OR2AJ1: variants seen among roughly 807,000 people sequenced by gnomAD.
The protein encoded by OR2AJ1 is olfactory receptor 2AJ1.
For synonymous variants in OR2AJ1, 105 were observed against 60.3 expected (o/e 1.74, Z -3.44); for missense variants, 280 against 163.2 (o/e 1.72, Z -3.90).
Position 247,934,316 on chromosome 1 carries a change from C to T in OR2AJ1, c.548C>T (p.Ala183Val), listed in dbSNP as rs750478552. The T allele has an allele frequency of 4.1e-6, 3 of 738,492 alleles. No homozygotes were observed. Among genetic ancestry groups the T allele is most frequent in the African/African-American group, 1.7e-5 (1 of 57,936 alleles). The allele number at this position is 738,492 out of a possible 1,614,324, so 45.7% of individuals were successfully genotyped here. A position where few individuals can be genotyped will look rare whatever the true frequency, so the allele number is the denominator to read the frequency against. Residue 183 changes from alanine (A) to valine (V), a missense_variant, in exon 2 of 2, where the codon GCC becomes GTC. Transcript: ENST00000318244. ...GATCACTTCTTCTGTGAAGTCCCTG[C>T]CATGTTGAAGTTGTCCTGTGCAGAC... ...AIDHFFCEVP[A>V]MLKLSCADTT...
At position 247,924,945 on chromosome 1, in the gene OR2AJ1, A is replaced by G. The variant is rs559474256; in HGVS notation, c.-246A>G. On this transcript the variant is annotated 5_prime_UTR_variant, in exon 1 of 2. Transcript: ENST00000318244. Reference sequence around the variant, plus strand: ...TCATCCTTTTCCTTGCTCCTTTCAAATCACATATCCCCTTCTCCCTGTAAA... The same window carrying G: ...TCATCCTTTTCCTTGCTCCTTTCAAGTCACATATCCCCTTCTCCCTGTAAA... 1 of 152,386 alleles carries G rather than the reference A, an allele frequency of 6.6e-6. No individual in the cohort carries two copies. The highest frequency in any genetic ancestry group is 1.5e-5 in the Non-Finnish European group (1 of 68,102). 9.4% of individuals were successfully genotyped at this position (152,386 alleles called of 1,614,324 possible).
At chr1:247,931,631 T>C (rs981100077) in intron 1 of OR2AJ1, among the ~76,000 whole-genome samples, 1 of 152,192 alleles carries the variant, frequency 6.6e-6, no homozygotes, top group Admixed American at 6.5e-5. Flanking sequence ...GTAGATGATA[T>C]GAACTCTAAA....
At chr1:247,925,992 T>C (rs1660087513) in intron 1 of OR2AJ1, among the ~76,000 whole-genome samples, 1 of 152,208 alleles carries the variant, frequency 6.6e-6, no homozygotes, top group South Asian at 2.1e-4. Context: ...TGTAACATTC[T>C]AATATAATCT....
At chr1:247,931,416 C>T (rs902515222) in intron 1 of OR2AJ1, among the ~76,000 whole-genome samples, 1 of 152,156 alleles carries the variant, frequency 6.6e-6, no homozygotes, top group Non-Finnish European at 1.5e-5. Flanking sequence ...AGAGGATACA[C>T]TTTCTTGAAT....
intron 1 of OR2AJ1, among the ~76,000 whole-genome samples, chr1:247,925,520 T>A (rs1660081007): frequency 6.6e-6 from 1 of 152,196 alleles, no homozygotes; most frequent in African/African-American, 2.4e-5. Flanking sequence ...ATGAAAAAGA[T>A]GCAGAATAGC....
chr1:247,929,777 T>A (rs542649573), intron 1 of OR2AJ1, among the ~76,000 whole-genome samples: 1 of 152,312 alleles, frequency 6.6e-6, no homozygotes, highest in African/African-American at 2.4e-5. Context: ...TGGTGTTTCA[T>A]GTAAGACAAA....
At chr1:247,929,998 G>A (rs1433738828) in intron 1 of OR2AJ1, among the ~76,000 whole-genome samples, 1 of 152,126 alleles carries the variant, frequency 6.6e-6, no homozygotes, top group African/African-American at 2.4e-5. Flanking sequence ...CCAGATTTAG[G>A]TTAATTTAGT....
At chr1:247,928,218 A>C (rs949262317) in intron 1 of OR2AJ1, among the ~76,000 whole-genome samples, 1 of 152,152 alleles carries the variant, frequency 6.6e-6, no homozygotes, top group Non-Finnish European at 1.5e-5. Flanking sequence ...AATTGCAGTG[A>C]AATTATATGT....
chr1:247,926,733 T>C (rs2103004425), intron 1 of OR2AJ1, among the ~76,000 whole-genome samples: 1 of 152,342 alleles, frequency 6.6e-6, no homozygotes, highest in Non-Finnish European at 1.5e-5. Flanking sequence ...CATTTATTCA[T>C]TTCCATTTGA....
chr1:247,931,037 G>T (rs1236117200), intron 1 of OR2AJ1, among the ~76,000 whole-genome samples: 1 of 152,100 alleles, frequency 6.6e-6, no homozygotes, highest in African/African-American at 2.4e-5. Flanking sequence ...AAAACTTGAA[G>T]TATATATAAA....
Position 247,925,056 on chromosome 1 carries a change from C to T in OR2AJ1, c.-135C>T, listed in dbSNP as rs1454441712. The stretch of plus-strand genomic sequence containing the variant: ...CTCAAGGACATGACATTGAAACAAA[C>T]ATCTGAGTAGCATGAACAGCAGCTG... On this transcript the variant is annotated 5_prime_UTR_variant, in exon 1 of 2. Coordinates refer to ENST00000318244, the MANE Select transcript of OR2AJ1 (RefSeq NM_001355235.2). 2 of 152,310 alleles carry T rather than the reference C, an allele frequency of 1.3e-5. No individual in the cohort carries two copies. Among genetic ancestry groups the T allele is most frequent in the African/African-American group, 4.8e-5 (2 of 41,434 alleles). The allele number at this position is 152,310 out of a possible 1,614,324, so 9.4% of individuals were successfully genotyped here. A position where few individuals can be genotyped will look rare whatever the true frequency, so the allele number is the denominator to read the frequency against.
chr1:247,932,312 G>C (rs1346069164), intron 1 of OR2AJ1, among the ~76,000 whole-genome samples: 1 of 152,076 alleles, frequency 6.6e-6, no homozygotes, highest in Non-Finnish European at 1.5e-5. Context: ...CTCCAGCATG[G>C]GCAACAGAGC....
chr1:247,925,623 G>A (rs928393807), intron 1 of OR2AJ1, among the ~76,000 whole-genome samples: 1 of 152,164 alleles, frequency 6.6e-6, no homozygotes, highest in African/African-American at 2.4e-5. Context: ...TTAAAAGAAT[G>A]TGACCTAGCA....
intron 1 of OR2AJ1, among the ~76,000 whole-genome samples, chr1:247,932,432 ACTCTTCT>A: frequency 6.6e-6 from 1 of 152,286 alleles, no homozygotes; most frequent in East Asian, 1.9e-4. Context: ...ATCTTTTCTA[ACTCTTCT>A]AGGTCATAGC....
chr1:247,929,676 A>G (rs964346376), intron 1 of OR2AJ1, among the ~76,000 whole-genome samples: 3 of 150,980 alleles, frequency 2.0e-5, no homozygotes, highest in Non-Finnish European at 4.4e-5. Flanking sequence ...ATTCAAAACA[A>G]CTTTATCAGG....
At chr1:247,925,449 G>A (rs1660080007) in intron 1 of OR2AJ1, among the ~76,000 whole-genome samples, 1 of 152,154 alleles carries the variant, frequency 6.6e-6, no homozygotes, top group Non-Finnish European at 1.5e-5. Context: ...GAGAATGGAA[G>A]AAATTGAAGC....
At chr1:247,927,497 G>GGT (rs55762045) in intron 1 of OR2AJ1, among the ~76,000 whole-genome samples, 1 of 148,332 alleles carries the variant, frequency 6.7e-6, no homozygotes, top group African/African-American at 2.5e-5. Context: ...ACATTTAGGG[G>GGT]GTGTGTGTGT....
chr1:247,930,923 G>A (rs73137493), intron 1 of OR2AJ1, among the ~76,000 whole-genome samples: 5,865 of 152,170 alleles, frequency 0.039, 373 homozygotes, highest in African/African-American at 0.13. Context: ...CATGACCTGC[G>A]TTTCTTCAAA....
chr1:247,927,776 T>A (rs1660109403), intron 1 of OR2AJ1, among the ~76,000 whole-genome samples: 1 of 152,162 alleles, frequency 6.6e-6, no homozygotes, highest in African/African-American at 2.4e-5. Flanking sequence ...ACATGTAGTA[T>A]ACATCCTTCT....
Sources: gnomAD v4.1 joint callset for allele counts (sites outside exome capture counted in the v4.1 genomes callset) on GRCh38, gnomAD v4.1.1 for gene constraint, MANE v1.5 for transcripts, NCBI Gene and HGNC (gene_info 2026-07-23, HGNC 2026-07-21) for gene names.